The following IQCE variants were observed in gnomAD, a reference collection of about 807,000 sequenced individuals.
IQCE encodes the protein IQ domain-containing protein E.
A neutral mutation model predicts 96.0 loss-of-function variants in IQCE; 115 were observed. The observed-to-expected ratio is 1.20, with a 90% CI of 1.03 to 1.40. The LOEUF (loss-of-function observed/expected upper bound fraction) is 1.40. IQCE is among the 40% of genes most tolerant of loss of function. The pLI, the probability that IQCE is intolerant of heterozygous loss-of-function variation, is 0.00. For missense variants in IQCE, 1,041 were observed against 909.1 expected, an observed-to-expected ratio of 1.15 and a Z score of -1.87; for synonymous variants, 412 against 371.2, an observed-to-expected ratio of 1.11 and a Z score of -1.26.
At chr7:2,601,120 A>G (rs1784401720) in intron 17 of IQCE, among the ~76,000 whole-genome samples, 1 of 152,176 alleles carries the variant, frequency 6.6e-6, no homozygotes, top group Non-Finnish European at 1.5e-5. Context: ...CCACCTCCAT[A>G]GGTGCACAGC....
chr7:2,606,977 G>A, intron 20 of IQCE, 147 bp from the exon 21 acceptor site: 1 of 682,758 alleles, frequency 1.5e-6, no homozygotes, highest in Non-Finnish European at 2.4e-6. Context: ...ATTGGGTACA[G>A]CGCTGGTCGT....
At chr7:2,562,757 T>C (rs139545568) in intron 1 of IQCE, among the ~76,000 whole-genome samples, 1 of 152,232 alleles carries the variant, frequency 6.6e-6, no homozygotes, top group African/African-American at 2.4e-5. Context: ...CTGTAATTTT[T>C]ATTCCTTTCT....
chr7:2,565,119 T>A (rs1206754873), intron 1 of IQCE, among the ~76,000 whole-genome samples: 3 of 129,898 alleles, frequency 2.3e-5, no homozygotes, highest in Admixed American at 1.5e-4. Context: ...TGAGTGCATG[T>A]GTGCATGTGT....
chr7:2,600,476 G>A (rs1005150761), intron 17 of IQCE, among the ~76,000 whole-genome samples: 1 of 152,190 alleles, frequency 6.6e-6, no homozygotes, highest in African/African-American at 2.4e-5. Context: ...TTCCCCTTGT[G>A]GTCTTAGTGT....
intron 8 of IQCE, among the ~76,000 whole-genome samples, chr7:2,579,333 CATT>C (rs1007844967): frequency 1.1e-4 from 16 of 152,048 alleles, no homozygotes; most frequent in African/African-American, 3.9e-4. Context: ...AATAAAATAA[CATT>C]AATGATGTGA....
At chr7:2,560,912 G>A (rs1780900921) in intron 1 of IQCE, among the ~76,000 whole-genome samples, 1 of 145,172 alleles carries the variant, frequency 6.9e-6, no homozygotes, top group South Asian at 2.2e-4. Context: ...AGCCAAGATC[G>A]TGCCACTGCA....
At chr7:2,578,202 C>G (rs1292117334) in intron 6 of IQCE, 40 bp from the exon 7 acceptor site, 2 of 1,492,340 alleles carry the variant, frequency 1.3e-6, no homozygotes, top group Non-Finnish European at 1.9e-6. Context: ...GTGTGCGCAG[C>G]TTCGTGTGGA....
chr7:2,559,724 T>G (rs1224799942), intron 1 of IQCE, among the ~76,000 whole-genome samples: 1 of 120,344 alleles, frequency 8.3e-6, no homozygotes, highest in Non-Finnish European at 1.6e-5. Flanking sequence ...CCGGTAAATA[T>G]CTACTGTGTG....
rs776960178 is a variant in IQCE, at chr7:2,593,080, G to A, written c.1303G>A (p.Ala435Thr). The change falls in exon 15 of 22, where the codon GCG becomes ACG. Residue 435 changes from alanine to threonine, a missense_variant. Ala to Thr is a moderately conservative substitution (Grantham distance 58). Transcript: ENST00000402050. ...CGACCTGGAGAAGGAGCTGGAGTGCGCGAGGGAGGGCGAGGAGGAGAGGAG... is the reference window on the plus strand; with the variant it reads ...CGACCTGGAGAAGGAGCTGGAGTGCACGAGGGAGGGCGAGGAGGAGAGGAG... The part of the protein sequence containing the change: ...KADLEKELEC[A>T]REGEEERRER... The A allele has an allele frequency of 6.2e-6, 10 of 1,612,794 alleles. No individual in the cohort carries two copies. The highest frequency in any genetic ancestry group is 2.2e-5 in the East Asian group (1 of 44,854).
intron 16 of IQCE, chr7:2,598,254 G>C (rs552158182): frequency 2.7e-5 from 13 of 477,414 alleles, no homozygotes; most frequent in Non-Finnish European, 3.7e-5. Flanking sequence ...GTCTGCACTT[G>C]TGTGCTCGCC....
At chr7:2,607,285 CAA>C (rs1321022338) in intron 21 of IQCE, 58 bp downstream of exon 21, 3 of 1,608,336 alleles carry the variant, frequency 1.9e-6, no homozygotes, top group Non-Finnish European at 1.7e-6. Context: ...AGGTCTCAGC[CAA>C]AGAGTGGCCA....
chr7:2,607,524 G>GT, intron 21 of IQCE: 3 of 1,288,422 alleles, frequency 2.3e-6, no homozygotes, highest in Non-Finnish European at 2.9e-6. Context: ...CATTTCTCCT[G>GT]TTTGTTTGTT....
chr7:2,559,532 C>A (rs1324769010), intron 1 of IQCE: 1 of 190,120 alleles, frequency 5.3e-6, no homozygotes, highest in African/African-American at 2.4e-5. Flanking sequence ...TAAGTGCCTC[C>A]GGGCACCCCC....
chr7:2,569,293 C>G (rs1322658901), intron 3 of IQCE, among the ~76,000 whole-genome samples: 1 of 152,174 alleles, frequency 6.6e-6, no homozygotes, highest in Admixed American at 6.5e-5. Context: ...GCCTCTAGGC[C>G]TTTTGTTTTC....
At chr7:2,593,913 C>A (rs1783811978) in intron 15 of IQCE, among the ~76,000 whole-genome samples, 1 of 152,206 alleles carries the variant, frequency 6.6e-6, no homozygotes, top group African/African-American at 2.4e-5. Context: ...GGTTAGAAAT[C>A]TGAGCAGACA....
At chr7:2,567,083 G>C (rs115071996) in intron 1 of IQCE, 33 bp from the exon 2 acceptor site, 2 of 1,602,974 alleles carry the variant, frequency 1.2e-6, no homozygotes, top group East Asian at 2.2e-5. Context: ...AGCAGGTGCC[G>C]TCGAGTTACA....
chr7:2,570,031 C>T (rs986438532), intron 3 of IQCE, among the ~76,000 whole-genome samples: 2 of 152,104 alleles, frequency 1.3e-5, no homozygotes, highest in East Asian at 1.9e-4. Context: ...TGTTTTTCTC[C>T]GGGTTTCTAG....
chr7:2,576,689 G>A (rs559256716), intron 6 of IQCE, among the ~76,000 whole-genome samples: 4 of 152,232 alleles, frequency 2.6e-5, no homozygotes, highest in Middle Eastern at 6.8e-3. Context: ...GTAAGCCACC[G>A]TGCCCGGCCC....
At chr7:2,605,797 G>C in intron 19 of IQCE, 79 bp from the exon 20 acceptor site, 1 of 1,372,708 alleles carries the variant, frequency 7.3e-7, no homozygotes, top group Admixed American at 3.3e-5. Flanking sequence ...CTGACGCCCA[G>C]GGTGCCCTGG....
Sources: gnomAD v4.1 joint callset for allele counts (sites outside exome capture counted in the v4.1 genomes callset) on GRCh38, gnomAD v4.1.1 for gene constraint, MANE v1.5 for transcripts, NCBI Gene and HGNC (gene_info 2026-07-23, HGNC 2026-07-21) for gene names.